Variants in PPP2R2B observed in about 807,000 individuals in gnomAD.
PPP2R2B encodes serine/threonine-protein phosphatase 2A 55 kDa regulatory subunit B beta isoform.
PPP2R2B carries 5 observed loss-of-function variants against 46.0 expected under a neutral mutation model. The observed-to-expected ratio is 0.11, with a 90% CI of 0.06 to 0.23. PPP2R2B has a LOEUF of 0.23. Among genes scored for constraint, PPP2R2B ranks in the 10% least tolerant of loss-of-function variants. The pLI is 1.00. For synonymous variants in PPP2R2B, 215 were observed against 206.7 expected (o/e 1.04, Z -0.34); for missense variants, 367 against 575.0 (o/e 0.64, Z 3.70).
chr5:147,002,178 C>G (rs2151869909), intron 1 of PPP2R2B, among the ~76,000 whole-genome samples: 1 of 152,218 alleles, frequency 6.6e-6, no homozygotes, highest in Admixed American at 6.5e-5. Flanking sequence ...GTATAAACTC[C>G]AGGACTCTGT....
chr5:146,598,145 T>A (rs1771382050), intron 8 of PPP2R2B, among the ~76,000 whole-genome samples: 1 of 152,230 alleles, frequency 6.6e-6, no homozygotes, highest in Non-Finnish European at 1.5e-5. Context: ...CTCACTCCAA[T>A]TGGACATTTA....
intron 2 of PPP2R2B, among the ~76,000 whole-genome samples, chr5:146,840,948 G>T (rs1759601217): frequency 6.6e-6 from 1 of 152,128 alleles, no homozygotes; most frequent in Non-Finnish European, 1.5e-5. Context: ...TAAACAAAGA[G>T]ATGAAACAAG....
intron 1 of PPP2R2B, among the ~76,000 whole-genome samples, chr5:147,020,538 A>G (rs1458947693): frequency 1.3e-5 from 2 of 152,196 alleles, no homozygotes; most frequent in Non-Finnish European, 2.9e-5. Flanking sequence ...AGTGGTCACA[A>G]TAGACTTTAG....
At position 146,629,109 on chromosome 5, in the gene PPP2R2B, C is replaced by T. The variant is rs1340069580; in HGVS notation, c.790+9142G>A. Among the ~76,000 whole-genome samples the T allele has an allele frequency of 3.3e-5, 5 of 152,134 alleles. No individual in the cohort carries two copies. In the East Asian group the frequency reaches 7.7e-4, roughly 23 times the overall value. On this transcript the variant is annotated intron_variant, in intron 7 of 9. Coordinates refer to ENST00000394411, the MANE Select transcript of PPP2R2B (RefSeq NM_181675.4). Reference sequence around the variant, plus strand: ...TGGCTTAAAATAGCTATGACATGCTCGTGATTCCTAAATTTATACCTACAG... The same window carrying T: ...TGGCTTAAAATAGCTATGACATGCTTGTGATTCCTAAATTTATACCTACAG...
intron 1 of PPP2R2B, among the ~76,000 whole-genome samples, chr5:147,051,068 T>C (rs1756790241): frequency 6.6e-6 from 1 of 152,160 alleles, no homozygotes; most frequent in Non-Finnish European, 1.5e-5. Context: ...TAGGGCAGAA[T>C]TCCTGTGCCC....
intron 2 of PPP2R2B, chr5:146,707,009 C>A: frequency 1.0e-6 from 1 of 990,378 alleles, no homozygotes. Flanking sequence ...ATGTAAGCTT[C>A]ATCCACATCC....
intron 2 of PPP2R2B, among the ~76,000 whole-genome samples, chr5:146,730,455 C>T (rs879512983): frequency 1.1e-4 from 16 of 152,044 alleles, no homozygotes; most frequent in Admixed American, 2.6e-4. Context: ...AATGTGGAGA[C>T]GTGAAATTTG....
At chr5:146,964,274 C>G (rs1218184791) in intron 1 of PPP2R2B, among the ~76,000 whole-genome samples, 2 of 151,882 alleles carry the variant, frequency 1.3e-5, no homozygotes, top group Non-Finnish European at 2.9e-5. Context: ...ATCTGACAGT[C>G]AAAGAAAAAA....
chr5:146,730,220 C>T (rs1157350961), intron 2 of PPP2R2B, among the ~76,000 whole-genome samples: 1 of 152,164 alleles, frequency 6.6e-6, no homozygotes, highest in African/African-American at 2.4e-5. Context: ...GGCTCAGTAA[C>T]CCCTTTGTTT....
At chr5:146,823,312 C>G (rs1168056366) in intron 2 of PPP2R2B, among the ~76,000 whole-genome samples, 1 of 152,180 alleles carries the variant, frequency 6.6e-6, no homozygotes, top group Non-Finnish European at 1.5e-5. Flanking sequence ...ATTCTCCTGC[C>G]TCAGCCTCCT....
At position 146,756,136 on chromosome 5, in the gene PPP2R2B, T is replaced by C. The variant is rs190469834; in HGVS notation, c.71-54994A>G. Among the ~76,000 whole-genome samples the C allele has an allele frequency of 6.6e-5, 10 of 152,332 alleles. No homozygotes were observed. In the East Asian group the frequency reaches 1.9e-3, roughly 29 times the overall value. ...CCTTCTCTTGACTACTGAGTAGATT[T>C]AGTACTTCTGAAAGATTCTGAATCA... On this transcript the variant is annotated intron_variant, in intron 2 of 9. Transcript: ENST00000394411.
At chr5:146,937,328 G>A (rs1329259602) in intron 1 of PPP2R2B, among the ~76,000 whole-genome samples, 1 of 151,614 alleles carries the variant, frequency 6.6e-6, no homozygotes, top group African/African-American at 2.4e-5. Flanking sequence ...GGGGTTACTA[G>A]TAACTTCCCC....
chr5:146,649,735 C>A (rs1489407325), intron 6 of PPP2R2B, among the ~76,000 whole-genome samples: 1 of 152,168 alleles, frequency 6.6e-6, no homozygotes, highest in Non-Finnish European at 1.5e-5. Context: ...TAAGCATAAG[C>A]CACTGCGGCC....
At chr5:146,872,929 C>A (rs948213933) in intron 2 of PPP2R2B, among the ~76,000 whole-genome samples, 5 of 152,194 alleles carry the variant, frequency 3.3e-5, no homozygotes, top group Admixed American at 1.3e-4. Context: ...TGAGGCATCT[C>A]ATCTATTCAT....
chr5:146,596,747 C>A (rs149169131), intron 8 of PPP2R2B, among the ~76,000 whole-genome samples: 138 of 152,228 alleles, frequency 9.1e-4, no homozygotes, highest in African/African-American at 3.0e-3. Flanking sequence ...TGATGTGGAG[C>A]CAAGCCCTGA....
In PPP2R2B at chr5:146,583,147, C is replaced by T. The variant is rs1769982823; in HGVS notation, c.*6800G>A. ...CTGGAATATGCTTTTCCTTTCTCTT[C>T]TCCTGGATAACTCACTCCCTTTATC... On this transcript the variant is annotated 3_prime_UTR_variant, in exon 10 of 10. Transcript: ENST00000394411. 6.6e-6 allele frequency: 1 copy of T among 152,230 alleles called. No individual in the cohort carries two copies. The highest frequency in any genetic ancestry group is 2.1e-4 in the South Asian group (1 of 4,824). 9.4% of individuals were successfully genotyped at this position (152,230 alleles called of 1,614,324 possible). A position where few individuals can be genotyped will look rare whatever the true frequency, so the allele number is the denominator to read the frequency against.
intron 2 of PPP2R2B, among the ~76,000 whole-genome samples, chr5:147,062,675 T>A (rs1757292924): frequency 6.6e-6 from 1 of 152,026 alleles, no homozygotes; most frequent in South Asian, 2.1e-4. Context: ...TCTCCCCTAC[T>A]GTCTAGTACA....
At chr5:146,644,617 TG>T (rs1175945418) in intron 6 of PPP2R2B, among the ~76,000 whole-genome samples, 1 of 152,184 alleles carries the variant, frequency 6.6e-6, no homozygotes, top group Non-Finnish European at 1.5e-5. Flanking sequence ...TGTAACAAAA[TG>T]GGGACCAGAG....
intron 1 of PPP2R2B, among the ~76,000 whole-genome samples, chr5:147,053,599 T>C (rs892826552): frequency 2.0e-5 from 3 of 151,102 alleles, no homozygotes; most frequent in Non-Finnish European, 1.5e-5. Flanking sequence ...GATCACTTTT[T>C]TCCCCAGACA....
Sources: allele counts gnomAD v4.1 joint callset (sites outside exome capture counted in the v4.1 genomes callset), GRCh38; gene constraint gnomAD v4.1.1; transcripts MANE v1.5; gene names NCBI Gene and HGNC (gene_info 2026-07-23, HGNC 2026-07-21).